The following CAMK1D variants were observed in gnomAD, a reference collection of about 807,000 sequenced individuals.
CAMK1D encodes the protein calcium/calmodulin-dependent protein kinase type 1D.
A neutral mutation model predicts 47.7 loss-of-function variants in CAMK1D; 9 were observed. The observed-to-expected ratio is 0.19, with a 90% CI of 0.11 to 0.33. The LOEUF (loss-of-function observed/expected upper bound fraction) is 0.33. Ranked by LOEUF, CAMK1D falls within the 10% of genes least tolerant of loss-of-function variation. CAMK1D has a pLI of 1.00. For missense variants in CAMK1D, 291 were observed against 488.7 expected, an observed-to-expected ratio of 0.60 and a Z score of 3.81; for synonymous variants, 184 against 184.9, an observed-to-expected ratio of 0.99 and a Z score of 0.04.
intron 8 of CAMK1D, among the ~76,000 whole-genome samples, chr10:12,824,128 G>A (rs966998502): frequency 1.1e-4 from 16 of 152,022 alleles, no homozygotes; most frequent in Non-Finnish European, 7.4e-5. Context: ...GGAGAAGGAT[G>A]GGAGACATTG....
chr10:12,398,896 T>C (rs1425174076), intron 1 of CAMK1D, among the ~76,000 whole-genome samples: 1 of 152,180 alleles, frequency 6.6e-6, no homozygotes, highest in Non-Finnish European at 1.5e-5. Context: ...TTTATAGATG[T>C]TAGTACAAAG....
intron 3 of CAMK1D, among the ~76,000 whole-genome samples, chr10:12,667,590 T>C (rs751416945): frequency 6.6e-6 from 1 of 152,248 alleles, no homozygotes; most frequent in Admixed American, 6.5e-5. Flanking sequence ...CGGAATATTA[T>C]GCTTTAACCA....
intron 6 of CAMK1D, among the ~76,000 whole-genome samples, chr10:12,809,098 C>G (rs1588953980): frequency 6.8e-6 from 1 of 147,910 alleles, no homozygotes; most frequent in South Asian, 2.1e-4. Context: ...GCCTGGGCAA[C>G]AGAGTGAAAC....
chr10:12,400,770 C>T (rs1018317560), intron 1 of CAMK1D, among the ~76,000 whole-genome samples: 1 of 151,530 alleles, frequency 6.6e-6, no homozygotes, highest in Non-Finnish European at 1.5e-5. Context: ...CCAGGAAATG[C>T]GTTCTTCTGG....
chr10:12,672,896 CT>C lies in CAMK1D; in HGVS notation c.299+6105del, dbSNP rs750447013. Among the ~76,000 whole-genome samples the C allele has an allele frequency of 1.7e-3, 133 of 76,500 alleles. 3 individuals are homozygous for C. The highest frequency in any genetic ancestry group is 6.7e-3 in the African/African-American group (106 of 15,852). The allele number at this position is 76,500 out of a possible 152,430, so 50.2% of individuals were successfully genotyped here. A position where few individuals can be genotyped will look rare whatever the true frequency, so the allele number is the denominator to read the frequency against. On this transcript the variant is annotated intron_variant, in intron 3 of 10. Transcript: ENST00000619168. ...CATGTAAGTTTTAGAATAGGCTTGCCTTTTTTTTTTTTTTTTTTTAGTCAGA... is the reference window on the plus strand; with the variant it reads ...CATGTAAGTTTTAGAATAGGCTTGCCTTTTTTTTTTTTTTTTTTAGTCAGA...
chr10:12,465,667 T>C (rs1295782546), intron 1 of CAMK1D, among the ~76,000 whole-genome samples: 2 of 152,236 alleles, frequency 1.3e-5, no homozygotes, highest in Non-Finnish European at 2.9e-5. Flanking sequence ...GCCAATCTTA[T>C]TTTTAACAAG....
chr10:12,611,092 A>T (rs543924985), intron 2 of CAMK1D, among the ~76,000 whole-genome samples: 1 of 152,294 alleles, frequency 6.6e-6, no homozygotes, highest in South Asian at 2.1e-4. Flanking sequence ...GCTTTGTCCA[A>T]GGTCACATAA....
intron 2 of CAMK1D, among the ~76,000 whole-genome samples, chr10:12,651,196 G>T (rs1416981525): frequency 6.6e-6 from 1 of 152,064 alleles, no homozygotes; most frequent in Admixed American, 6.5e-5. Flanking sequence ...AACAGTAACG[G>T]CTTTGCGCCC....
intron 3 of CAMK1D, among the ~76,000 whole-genome samples, chr10:12,685,262 C>T (rs1208160673): frequency 1.3e-5 from 2 of 152,344 alleles, no homozygotes; most frequent in South Asian, 2.1e-4. Context: ...GATCATGCCA[C>T]TGCACTCCAG....
chr10:12,412,156 A>T (rs2131944812), intron 1 of CAMK1D, among the ~76,000 whole-genome samples: 1 of 152,084 alleles, frequency 6.6e-6, no homozygotes, highest in East Asian at 1.9e-4. Context: ...TTCTTTTATC[A>T]CAGTCCTCAT....
chr10:12,769,649 G>A, intron 4 of CAMK1D, 24 bp from the exon 5 acceptor site: 1 of 1,613,086 alleles, frequency 6.2e-7, no homozygotes, highest in Non-Finnish European at 8.5e-7. Context: ...AGTTTGTAAT[G>A]TTTTTTTCTT....
intron 9 of CAMK1D, among the ~76,000 whole-genome samples, chr10:12,824,857 C>A (rs974979468): frequency 6.6e-6 from 1 of 152,008 alleles, no homozygotes; most frequent in Non-Finnish European, 1.5e-5. Flanking sequence ...TTTATTAAAG[C>A]GATATGGAGG....
chr10:12,667,900 A>T (rs779809447), intron 3 of CAMK1D, among the ~76,000 whole-genome samples: 8 of 152,214 alleles, frequency 5.3e-5, no homozygotes, highest in African/African-American at 1.9e-4. Context: ...GTAGGTTATG[A>T]TATTTTTGTA....
At chr10:12,806,227 A>G (rs1432759957) in intron 6 of CAMK1D, among the ~76,000 whole-genome samples, 1 of 152,210 alleles carries the variant, frequency 6.6e-6, no homozygotes, top group Non-Finnish European at 1.5e-5. Context: ...TTTGAAGGTT[A>G]GTGTTGGGTA....
At chr10:12,431,991 T>C (rs1026968018) in intron 1 of CAMK1D, among the ~76,000 whole-genome samples, 1 of 152,224 alleles carries the variant, frequency 6.6e-6, no homozygotes, top group Non-Finnish European at 1.5e-5. Flanking sequence ...AGGCCGACCA[T>C]GTCTCCTTGA....
At chr10:12,554,012 C>T (rs1323377937) in intron 2 of CAMK1D, among the ~76,000 whole-genome samples, 5 of 152,108 alleles carry the variant, frequency 3.3e-5, no homozygotes, top group African/African-American at 1.2e-4. Flanking sequence ...CAGCAGGCTG[C>T]GTGGAGTTCA....
chr10:12,553,564 C>G lies in CAMK1D; in HGVS notation c.224+208C>G, dbSNP rs548669214. ...CACGGCCATGGTTGGGAGTAGTTCTCAATTACAAAGAGCACAGCTGTCAGG... is the reference window on the plus strand; with the variant it reads ...CACGGCCATGGTTGGGAGTAGTTCTGAATTACAAAGAGCACAGCTGTCAGG... On this transcript the variant is annotated intron_variant, in intron 2 of 10. Transcript: ENST00000619168. 4.6e-5 allele frequency among the ~76,000 whole-genome samples: 7 copies of G among 152,310 alleles called. No individual in the cohort carries two copies. The East Asian group carries it at 1.4e-3, about 29-fold the overall frequency.
chr10:12,823,204 G>A (rs954536145), intron 8 of CAMK1D, among the ~76,000 whole-genome samples: 1 of 152,182 alleles, frequency 6.6e-6, no homozygotes, highest in African/African-American at 2.4e-5. Context: ...GCTGTTTAAT[G>A]TCCAGGGCAG....
intron 1 of CAMK1D, among the ~76,000 whole-genome samples, chr10:12,427,698 C>CTTTTTTTTTTTTTTTTTTTTTT (rs1588474191): frequency 7.3e-5 from 2 of 27,392 alleles, no homozygotes; most frequent in Non-Finnish European, 1.7e-4. Flanking sequence ...ACTGAACTTA[C>CTTTTTTTTTTTTTTTTTTTTTT]TGTTTTTTTT....
Sources: gnomAD v4.1 joint callset for allele counts (sites outside exome capture counted in the v4.1 genomes callset) on GRCh38, gnomAD v4.1.1 for gene constraint, MANE v1.5 for transcripts, NCBI Gene and HGNC (gene_info 2026-07-23, HGNC 2026-07-21) for gene names.